Variants in DLGAP1 observed in about 807,000 individuals in gnomAD.
DLGAP1 encodes the protein DLG associated protein 1.
Under a neutral mutation model 90.8 loss-of-function variants are expected in DLGAP1, and 11 were observed. The observed-to-expected ratio is 0.12, with a 90% CI of 0.08 to 0.20. The LOEUF (loss-of-function observed/expected upper bound fraction) is 0.20. Ranked by LOEUF, DLGAP1 falls within the 10% of genes least tolerant of loss-of-function variation. The probability of loss-of-function intolerance (pLI) is 1.00; values close to 1 mark genes in which losing one functional copy is unlikely to be tolerated. For missense variants in DLGAP1, 1,050 were observed against 1,333.8 expected (o/e 0.79, Z 3.31); for synonymous variants, 558 against 540.7 (o/e 1.03, Z -0.44).
At chr18:3,799,268 G>C (rs1172309187) in intron 5 of DLGAP1, among the ~76,000 whole-genome samples, 1 of 152,160 alleles carries the variant, frequency 6.6e-6, no homozygotes, top group Non-Finnish European at 1.5e-5. Context: ...ACACTGTTCT[G>C]CCTTCTCTTA....
chr18:3,849,112 C>T (rs1434634810), intron 4 of DLGAP1, among the ~76,000 whole-genome samples: 1 of 152,168 alleles, frequency 6.6e-6, no homozygotes, highest in Non-Finnish European at 1.5e-5. Flanking sequence ...TCCCTTGGCT[C>T]ATTGTCTGAT....
chr18:4,281,834 A>T (rs1336843063), intron 1 of DLGAP1, among the ~76,000 whole-genome samples: 1 of 152,198 alleles, frequency 6.6e-6, no homozygotes, highest in Non-Finnish European at 1.5e-5. Flanking sequence ...TAAGATGTAC[A>T]CATATTATAA....
At chr18:3,952,156 G>A (rs1351096797) in intron 3 of DLGAP1, among the ~76,000 whole-genome samples, 1 of 152,204 alleles carries the variant, frequency 6.6e-6, no homozygotes, top group African/African-American at 2.4e-5. Flanking sequence ...CTATGCGTAG[G>A]AGCATTTGAC....
At chr18:3,798,179 A>G (rs987875603) in intron 5 of DLGAP1, among the ~76,000 whole-genome samples, 1 of 152,246 alleles carries the variant, frequency 6.6e-6, no homozygotes, top group Non-Finnish European at 1.5e-5. Flanking sequence ...TTAGTTTAGA[A>G]TAGGTAAAAC....
chr18:4,423,897 T>C (rs902774136), intron 1 of DLGAP1, among the ~76,000 whole-genome samples: 3 of 149,172 alleles, frequency 2.0e-5, no homozygotes, highest in Non-Finnish European at 3.0e-5. Flanking sequence ...CTCCCGCCTG[T>C]AATCCCAGCA....
intron 3 of DLGAP1, among the ~76,000 whole-genome samples, chr18:3,928,318 G>A (rs1475851200): frequency 2.0e-5 from 3 of 152,168 alleles, no homozygotes; most frequent in Admixed American, 1.3e-4. Flanking sequence ...ATGCTCTCAA[G>A]TCTTTTCCTG....
chr18:4,313,666 A>G (rs998759732), intron 1 of DLGAP1, among the ~76,000 whole-genome samples: 3 of 152,128 alleles, frequency 2.0e-5, no homozygotes, highest in Non-Finnish European at 4.4e-5. Flanking sequence ...AAAAAATGAA[A>G]ATTCCCCTGG....
chr18:3,803,551 G>A (rs1013918267), intron 5 of DLGAP1, among the ~76,000 whole-genome samples: 1 of 152,168 alleles, frequency 6.6e-6, no homozygotes, highest in African/African-American at 2.4e-5. Flanking sequence ...CCTTTTCTGG[G>A]AAAGAGGTGT....
At chr18:3,868,424 A>G (rs748066829) in intron 4 of DLGAP1, among the ~76,000 whole-genome samples, 113 of 152,256 alleles carry the variant, frequency 7.4e-4, no homozygotes, top group Non-Finnish European at 1.1e-3. Context: ...CTCTCTCCCT[A>G]CTTATTTACT....
intron 7 of DLGAP1, among the ~76,000 whole-genome samples, chr18:3,662,311 A>G (rs971388504): frequency 6.6e-6 from 1 of 152,216 alleles, no homozygotes; most frequent in African/African-American, 2.4e-5. Flanking sequence ...GAAATATTTA[A>G]GGATGTACCT....
intron 1 of DLGAP1, among the ~76,000 whole-genome samples, chr18:4,247,407 C>T (rs2078675575): frequency 1.3e-5 from 2 of 152,186 alleles, no homozygotes. Context: ...GCCTTGGCTT[C>T]AGCTTCCGTG....
chr18:3,830,355 G>C (rs944999621), intron 4 of DLGAP1, among the ~76,000 whole-genome samples: 1 of 152,140 alleles, frequency 6.6e-6, no homozygotes, highest in South Asian at 2.1e-4. Flanking sequence ...CACGATGTCA[G>C]GAGTTCAAGA....
At chr18:3,975,076 T>C (rs888891549) in intron 3 of DLGAP1, among the ~76,000 whole-genome samples, 2 of 152,016 alleles carry the variant, frequency 1.3e-5, no homozygotes, top group Non-Finnish European at 2.9e-5. Context: ...GAGTTTCAGT[T>C]TTGCAAGATG....
intron 1 of DLGAP1, among the ~76,000 whole-genome samples, chr18:4,184,999 T>A (rs2077267644): frequency 6.6e-6 from 1 of 152,132 alleles, no homozygotes. Context: ...TTGATTTTAA[T>A]GATCTGCACA....
chr18:4,052,097 C>T (rs1422941707), intron 2 of DLGAP1, among the ~76,000 whole-genome samples: 3 of 152,198 alleles, frequency 2.0e-5, no homozygotes, highest in South Asian at 2.1e-4. Context: ...TGAGTGTCTG[C>T]AGCTCTTCCA....
At chr18:3,686,191 C>CAAAG (rs1237868709) in intron 7 of DLGAP1, among the ~76,000 whole-genome samples, 1 of 151,744 alleles carries the variant, frequency 6.6e-6, no homozygotes, top group African/African-American at 2.4e-5. Flanking sequence ...AACAAACAAA[C>CAAAG]AAACAAACAG....
chr18:4,343,593 A>T (rs1006854187), intron 1 of DLGAP1, among the ~76,000 whole-genome samples: 3 of 152,046 alleles, frequency 2.0e-5, no homozygotes, highest in Non-Finnish European at 2.9e-5. Flanking sequence ...TTCCTTTCTA[A>T]ATTAAAATGT....
At chr18:4,320,325 A>G (rs2080648297) in intron 1 of DLGAP1, among the ~76,000 whole-genome samples, 2 of 152,196 alleles carry the variant, frequency 1.3e-5, no homozygotes, top group African/African-American at 4.8e-5. Flanking sequence ...TTCTAGATGC[A>G]CTCAAGCTGA....
chr18:4,236,196 G>C (rs148194534), intron 1 of DLGAP1, among the ~76,000 whole-genome samples: 1 of 152,248 alleles, frequency 6.6e-6, no homozygotes, highest in Non-Finnish European at 1.5e-5. Context: ...CTGCCTCATA[G>C]GATTTTGTGA....
Sources: allele counts gnomAD v4.1 joint callset (sites outside exome capture counted in the v4.1 genomes callset), GRCh38; gene constraint gnomAD v4.1.1; transcripts MANE v1.5; gene names NCBI Gene and HGNC (gene_info 2026-07-23, HGNC 2026-07-21).